FRMD4A: variants seen among roughly 807,000 people sequenced by gnomAD.
FRMD4A encodes the protein FERM domain containing 4A, also known as FERM domain-containing protein 4A.
In FRMD4A, 29 loss-of-function variants were observed where a neutral mutation model predicts 129.1. The ratio of observed to expected loss-of-function variants is 0.22; its 90% CI spans 0.17 to 0.31. The LOEUF (loss-of-function observed/expected upper bound fraction) is 0.31, where lower values mean the gene tolerates loss of function less well. Ranked by LOEUF, FRMD4A falls within the 10% of genes least tolerant of loss-of-function variation. The pLI, the probability that FRMD4A is intolerant of heterozygous loss-of-function variation, is 1.00. For missense variants in FRMD4A, 1,272 were observed against 1,375.8 expected (o/e 0.92, Z 1.19); for synonymous variants, 634 against 571.6 (o/e 1.11, Z -1.56).
At chr10:14,008,065 C>G in intron 2 of FRMD4A, 1 of 1,303,668 alleles carries the variant, frequency 7.7e-7, no homozygotes, top group Non-Finnish European at 1.0e-6. Context: ...CTTACCCTTT[C>G]AACGCTGCGC....
intron 12 of FRMD4A, among the ~76,000 whole-genome samples, chr10:13,725,920 C>T (rs1288286288): frequency 6.6e-6 from 1 of 152,170 alleles, no homozygotes; most frequent in African/African-American, 2.4e-5. Flanking sequence ...TACATCTATT[C>T]TGTGTCTCTT....
At chr10:13,758,076 T>G (rs1033793938) in intron 8 of FRMD4A, among the ~76,000 whole-genome samples, 1 of 152,222 alleles carries the variant, frequency 6.6e-6, no homozygotes, top group Non-Finnish European at 1.5e-5. Context: ...CAATCCCCTT[T>G]TCTCTTGTAC....
intron 6 of FRMD4A, among the ~76,000 whole-genome samples, chr10:13,767,030 G>A (rs902579067): frequency 6.6e-6 from 1 of 152,054 alleles, no homozygotes; most frequent in Non-Finnish European, 1.5e-5. Flanking sequence ...CCGAGATAGC[G>A]CCACTGCACT....
intron 2 of FRMD4A, among the ~76,000 whole-genome samples, chr10:13,881,248 T>C (rs1270352434): frequency 6.2e-5 from 4 of 64,652 alleles, no homozygotes; most frequent in African/African-American, 2.2e-4. Context: ...GAGACCCCCA[T>C]CTCTAAAAAA....
chr10:13,952,268 C>T (rs1193926445), intron 2 of FRMD4A, among the ~76,000 whole-genome samples: 1 of 151,710 alleles, frequency 6.6e-6, no homozygotes, highest in Non-Finnish European at 1.5e-5. Context: ...GAGGCTGAGG[C>T]AGGACAACTG....
chr10:13,906,795 T>C (rs2094886635), intron 2 of FRMD4A, among the ~76,000 whole-genome samples: 2 of 152,200 alleles, frequency 1.3e-5, no homozygotes, highest in South Asian at 4.1e-4. Flanking sequence ...GTATGCTCCT[T>C]GCCGAGATGT....
chr10:13,891,230 G>C (rs974574026), intron 2 of FRMD4A, among the ~76,000 whole-genome samples: 7 of 151,998 alleles, frequency 4.6e-5, no homozygotes, highest in African/African-American at 1.7e-4. Context: ...GCTGGCCCCC[G>C]CCACCCTTGT....
At chr10:13,904,878 A>G (rs2094863184) in intron 2 of FRMD4A, among the ~76,000 whole-genome samples, 1 of 151,624 alleles carries the variant, frequency 6.6e-6, no homozygotes, top group Admixed American at 6.6e-5. Context: ...CTGCAATCCC[A>G]GCTACGCAGG....
At chr10:14,254,212 C>T (rs563369339) in intron 2 of FRMD4A, among the ~76,000 whole-genome samples, 2 of 152,210 alleles carry the variant, frequency 1.3e-5, no homozygotes, top group South Asian at 4.1e-4. Flanking sequence ...CCTCCTACTT[C>T]AACTCCAGGA....
At chr10:13,887,923 TG>T (rs1487410975) in intron 2 of FRMD4A, among the ~76,000 whole-genome samples, 1 of 152,144 alleles carries the variant, frequency 6.6e-6, no homozygotes, top group East Asian at 1.9e-4. Flanking sequence ...ACGGAAAGGG[TG>T]GCAGCTGATG....
chr10:14,091,536 C>T (rs1456222391), intron 2 of FRMD4A, among the ~76,000 whole-genome samples: 3 of 151,956 alleles, frequency 2.0e-5, no homozygotes, highest in African/African-American at 7.3e-5. Flanking sequence ...CGGGTTTAAG[C>T]GATCCTTCTG....
intron 2 of FRMD4A, among the ~76,000 whole-genome samples, chr10:14,217,722 T>C (rs2131965908): frequency 6.6e-6 from 1 of 152,268 alleles, no homozygotes; most frequent in Middle Eastern, 3.4e-3. Context: ...CCCAGACAGG[T>C]CTCTGTCCAC....
At chr10:14,170,384 C>T (rs969293736) in intron 2 of FRMD4A, among the ~76,000 whole-genome samples, 12 of 152,152 alleles carry the variant, frequency 7.9e-5, no homozygotes, top group Non-Finnish European at 5.9e-5. Context: ...CCTTAATTGC[C>T]CCTTTCATAA....
chr10:14,175,029 C>T (rs1490887699), intron 2 of FRMD4A, among the ~76,000 whole-genome samples: 1 of 152,024 alleles, frequency 6.6e-6, no homozygotes, highest in Non-Finnish European at 1.5e-5. Context: ...AGAAAAATGG[C>T]AAAGACCTAG....
At chr10:14,281,686 C>T (rs1245118340) in intron 2 of FRMD4A, among the ~76,000 whole-genome samples, 2 of 152,322 alleles carry the variant, frequency 1.3e-5, no homozygotes, top group Non-Finnish European at 2.9e-5. Context: ...ACTCCAGAAC[C>T]TTTTACTCTC....
intron 2 of FRMD4A, chr10:14,083,110 T>G: frequency 6.6e-6 from 1 of 152,214 alleles, no homozygotes; most frequent in Non-Finnish European, 1.5e-5. Flanking sequence ...TTCTGGAACC[T>G]TCCGTGGAGA....
chr10:14,148,957 C>T (rs11258900), intron 2 of FRMD4A, among the ~76,000 whole-genome samples: 42,925 of 151,982 alleles, frequency 0.28, 7,167 homozygotes, highest in East Asian at 0.5. Flanking sequence ...TGGATGCTCA[C>T]ACACTTGTAA....
chr10:14,004,007 T>C (rs918724819), intron 2 of FRMD4A, among the ~76,000 whole-genome samples: 5 of 152,266 alleles, frequency 3.3e-5, no homozygotes, highest in Non-Finnish European at 7.3e-5. Flanking sequence ...CATCTGGCTT[T>C]AGAAGGAAGA....
rs1230005294 is a variant in FRMD4A at position 13,683,419 on chromosome 10, T to TAA, written c.1118-8377_1118-8376dup. 4.4e-3 allele frequency among the ~76,000 whole-genome samples: 590 copies of TAA among 135,230 alleles called. 7 individuals carry two copies. Among genetic ancestry groups the TAA allele is most frequent in the African/African-American group, 0.015 (562 of 37,344 alleles). 88.7% of individuals were successfully genotyped at this position (135,230 alleles called of 152,430 possible). A position where few individuals can be genotyped will look rare whatever the true frequency, so the allele number is the denominator to read the frequency against. On this transcript the variant is annotated intron_variant, in intron 15 of 24. Coordinates refer to ENST00000357447, the MANE Select transcript of FRMD4A (RefSeq NM_018027.5). Reference sequence around the variant, plus strand: ...GGGCAACACAGCGAGACCCTATCTGTAAAAAAAAAAAAACAAAAAATAAAA... The same window carrying TAA: ...GGGCAACACAGCGAGACCCTATCTGTAAAAAAAAAAAAAAACAAAAAATAAAA...
Sources: gnomAD v4.1 joint callset for allele counts (sites outside exome capture counted in the v4.1 genomes callset) on GRCh38, gnomAD v4.1.1 for gene constraint, MANE v1.5 for transcripts, NCBI Gene and HGNC (gene_info 2026-07-23, HGNC 2026-07-21) for gene names.